Variants in FAM169A observed in about 807,000 individuals in gnomAD.
FAM169A encodes the protein family with sequence similarity 169 member A.
A neutral mutation model predicts 75.7 loss-of-function variants in FAM169A; 24 were observed. The ratio of observed to expected loss-of-function variants is 0.32; its 90% CI spans 0.23 to 0.45. The LOEUF is 0.45. Ranked by LOEUF, FAM169A falls within the 20% of genes least tolerant of loss-of-function variation. The pLI is 1.00. For synonymous variants in FAM169A, 271 were observed against 271.0 expected, an observed-to-expected ratio of 1.00 and a Z score of 0.00; for missense variants, 673 against 784.0, an observed-to-expected ratio of 0.86 and a Z score of 1.69.
intron 11 of FAM169A, among the ~76,000 whole-genome samples, chr5:74,788,646 G>C (rs767760953): frequency 6.6e-6 from 1 of 151,936 alleles, no homozygotes; most frequent in Middle Eastern, 3.4e-3. Context: ...TGGAGGTTGC[G>C]GTGAGCCAAG....
chr5:74,841,703 A>G, intron 1 of FAM169A, 24 bp from the exon 2 acceptor site: 1 of 1,587,836 alleles, frequency 6.3e-7, no homozygotes, highest in East Asian at 2.3e-5. Context: ...CATGGAACAA[A>G]CAATTCAGAA....
intron 2 of FAM169A, among the ~76,000 whole-genome samples, chr5:74,840,550 C>T (rs1039573436): frequency 6.7e-6 from 1 of 150,230 alleles, no homozygotes; most frequent in Non-Finnish European, 1.5e-5. Context: ...AAAAGCAGGC[C>T]GGGCACAGTG....
At chr5:74,822,149 C>A (rs1414732460) in intron 5 of FAM169A, among the ~76,000 whole-genome samples, 1 of 152,198 alleles carries the variant, frequency 6.6e-6, no homozygotes, top group Non-Finnish European at 1.5e-5. Context: ...ACAGGCTACA[C>A]AAGGATGTAA....
chr5:74,847,599 A>G (rs1231340867), intron 1 of FAM169A, among the ~76,000 whole-genome samples: 5 of 152,202 alleles, frequency 3.3e-5, no homozygotes, highest in South Asian at 4.1e-4. Flanking sequence ...TTTCCTAATC[A>G]GCATTAAATT....
intron 6 of FAM169A, among the ~76,000 whole-genome samples, chr5:74,809,366 G>A (rs978748961): frequency 1.3e-5 from 2 of 152,004 alleles, no homozygotes; most frequent in African/African-American, 4.8e-5. Context: ...AGGCCGAGGT[G>A]GGCGGATCAC....
At chr5:74,859,058 T>TA (rs1749897422) in intron 1 of FAM169A, among the ~76,000 whole-genome samples, 1 of 151,478 alleles carries the variant, frequency 6.6e-6, no homozygotes, top group South Asian at 2.1e-4. Context: ...ACTAAAAATA[T>TA]AAAAAATTAG....
At chr5:74,821,115 G>A (rs1580125659) in intron 5 of FAM169A, among the ~76,000 whole-genome samples, 1 of 152,208 alleles carries the variant, frequency 6.6e-6, no homozygotes, top group East Asian at 1.9e-4. Context: ...CACATCATCT[G>A]ACAGCATATC....
intron 8 of FAM169A, among the ~76,000 whole-genome samples, chr5:74,803,569 C>T (rs1197919040): frequency 6.6e-6 from 1 of 152,050 alleles, no homozygotes; most frequent in Non-Finnish European, 1.5e-5. Context: ...CTAACACTCA[C>T]CAAAAATAAA....
At chr5:74,823,149 C>A (rs1747847352) in intron 5 of FAM169A, among the ~76,000 whole-genome samples, 1 of 152,170 alleles carries the variant, frequency 6.6e-6, no homozygotes, top group Admixed American at 6.5e-5. Flanking sequence ...TGATAGCTTC[C>A]TGGCCAATAA....
chr5:74,844,357 G>T (rs1749037237), intron 1 of FAM169A, among the ~76,000 whole-genome samples: 1 of 152,002 alleles, frequency 6.6e-6, no homozygotes, highest in African/African-American at 2.4e-5. Flanking sequence ...AGCTACTCAG[G>T]AGGCTGAGGT....
intron 8 of FAM169A, 87 bp downstream of exon 8, chr5:74,804,406 A>T (rs902337548): frequency 1.1e-5 from 6 of 539,306 alleles, no homozygotes; most frequent in Non-Finnish European, 1.3e-5. Context: ...GAACTATGAC[A>T]TTTAAAACTC....
chr5:74,836,661 A>G (rs1748585664), intron 4 of FAM169A, among the ~76,000 whole-genome samples: 1 of 152,172 alleles, frequency 6.6e-6, no homozygotes, highest in Non-Finnish European at 1.5e-5. Context: ...TTAAGAGGGA[A>G]CGTAGGCCAG....
intron 5 of FAM169A, among the ~76,000 whole-genome samples, chr5:74,827,672 T>A (rs993353478): frequency 6.6e-6 from 1 of 150,590 alleles, no homozygotes; most frequent in African/African-American, 2.4e-5. Context: ...AGCTTATCTT[T>A]TTTTTTTTTT....
chr5:74,783,352 C>T (rs1462507013), intron 11 of FAM169A, among the ~76,000 whole-genome samples: 1 of 152,222 alleles, frequency 6.6e-6, no homozygotes, highest in African/African-American at 2.4e-5. Flanking sequence ...CGTACTCCCA[C>T]TGCTCTTAAG....
At chr5:74,821,638 G>C (rs997705943) in intron 5 of FAM169A, among the ~76,000 whole-genome samples, 2 of 152,130 alleles carry the variant, frequency 1.3e-5, no homozygotes, top group East Asian at 1.9e-4. Flanking sequence ...GCTAGCTGCC[G>C]TAACAAACCA....
chr5:74,824,145 T>C (rs2112613936), intron 5 of FAM169A, among the ~76,000 whole-genome samples: 1 of 152,272 alleles, frequency 6.6e-6, no homozygotes, highest in South Asian at 2.1e-4. Flanking sequence ...TGGTCACAAA[T>C]CCCTTCAGTA....
Position 74,866,288 on chromosome 5 carries a change from T to C in FAM169A, c.-127A>G. The C allele has an allele frequency of 2.0e-6, 2 of 983,912 alleles. No individual in the cohort carries two copies. The highest frequency in any genetic ancestry group is 2.4e-6 in the Non-Finnish European group (2 of 829,218). 60.9% of individuals were successfully genotyped at this position (983,912 alleles called of 1,614,324 possible). The stretch of plus-strand genomic sequence containing the variant: ...GGTCCCAGGCCGCACAGCTCGCGGC[T>C]GCCAGGGCGAGTGCGGCTGCCTCCC... On this transcript the variant is annotated 5_prime_UTR_variant, in exon 1 of 13. Transcript: ENST00000687041.
At chr5:74,787,147 G>A (rs914848339) in intron 11 of FAM169A, among the ~76,000 whole-genome samples, 6 of 152,166 alleles carry the variant, frequency 3.9e-5, no homozygotes, top group African/African-American at 1.4e-4. Context: ...TATATAAGCA[G>A]GAATCTGGAG....
chr5:74,861,432 T>G (rs1015698936), intron 1 of FAM169A, among the ~76,000 whole-genome samples: 1 of 152,092 alleles, frequency 6.6e-6, no homozygotes, highest in Non-Finnish European at 1.5e-5. Context: ...AACCCAAAAC[T>G]AAATAACGTA....
Sources: allele counts gnomAD v4.1 joint callset (sites outside exome capture counted in the v4.1 genomes callset), GRCh38; gene constraint gnomAD v4.1.1; transcripts MANE v1.5; gene names NCBI Gene and HGNC (gene_info 2026-07-23, HGNC 2026-07-21).